Variants in RPA3 observed in about 807,000 individuals in gnomAD.
The protein encoded by RPA3 is replication protein A 14 kDa subunit.
A neutral mutation model predicts 13.7 loss-of-function variants in RPA3; 24 were observed. The observed-to-expected ratio is 1.75, with a 90% CI of 1.27 to 2.46. The LOEUF is 2.46. RPA3 is among the 30% of genes most tolerant of loss of function. The probability of loss-of-function intolerance (pLI) is 0.00; values close to 1 mark genes in which losing one functional copy is unlikely to be tolerated. For synonymous variants in RPA3, 59 were observed against 51.2 expected (o/e 1.15, Z -0.65); for missense variants, 183 against 151.0 (o/e 1.21, Z -1.11).
At chr7:7,716,952 A>G (rs1263869950) in intron 1 of RPA3, among the ~76,000 whole-genome samples, 1 of 152,130 alleles carries the variant, frequency 6.6e-6, no homozygotes, top group African/African-American at 2.4e-5. Context: ...ACCGCCTCCT[A>G]TAAAACCAAC....
chr7:7,641,256 T>C (rs1274523997), intron 4 of RPA3, 81 bp from the exon 5 acceptor site: 2 of 152,204 alleles, frequency 1.3e-5, no homozygotes, highest in African/African-American at 4.8e-5. Flanking sequence ...CGCCGGTTCT[T>C]TCACCCCGCT....
chr7:7,668,257 C>G (rs2115101205), intron 4 of RPA3, among the ~76,000 whole-genome samples: 1 of 152,174 alleles, frequency 6.6e-6, no homozygotes, highest in South Asian at 2.1e-4. Flanking sequence ...ATTGTGTATA[C>G]CTGTGGGGCT....
At chr7:7,659,110 C>A (rs560380404) in intron 4 of RPA3, among the ~76,000 whole-genome samples, 71 of 152,272 alleles carry the variant, frequency 4.7e-4, no homozygotes, top group African/African-American at 1.7e-3. Flanking sequence ...TTATAGTATT[C>A]TCTGATGGTA....
intron 7 of RPA3, among the ~76,000 whole-genome samples, chr7:7,637,540 A>C (rs55884868): frequency 2.6e-5 from 4 of 152,190 alleles, no homozygotes; most frequent in African/African-American, 9.6e-5. Flanking sequence ...GGCAGTACTA[A>C]AACTCTAGAC....
intron 2 of RPA3, among the ~76,000 whole-genome samples, chr7:7,704,603 A>G (rs919072306): frequency 2.8e-5 from 4 of 144,592 alleles, no homozygotes; most frequent in African/African-American, 8.4e-5. Flanking sequence ...AAATAGAAAA[A>G]AAAAAAAAAA....
At chr7:7,647,388 C>T (rs1327828767) in intron 4 of RPA3, among the ~76,000 whole-genome samples, 1 of 152,104 alleles carries the variant, frequency 6.6e-6, no homozygotes, top group Admixed American at 6.5e-5. Flanking sequence ...TTATGTGAGG[C>T]TTGCTTTAAG....
intron 4 of RPA3, among the ~76,000 whole-genome samples, chr7:7,665,217 T>TTGGA (rs755177288): frequency 5.9e-5 from 9 of 152,172 alleles, no homozygotes; most frequent in African/African-American, 9.7e-5. Flanking sequence ...AAGGGAAGCC[T>TTGGA]TGGAGTAATA....
intron 2 of RPA3, among the ~76,000 whole-genome samples, chr7:7,694,257 A>G (rs767477819): frequency 2.6e-5 from 4 of 152,092 alleles, no homozygotes; most frequent in Non-Finnish European, 5.9e-5. Flanking sequence ...ATGAGTATAT[A>G]GTAGGTATAT....
intron 4 of RPA3, among the ~76,000 whole-genome samples, chr7:7,677,135 G>A (rs1211432375): frequency 6.6e-6 from 1 of 151,984 alleles, no homozygotes; most frequent in African/African-American, 2.4e-5. Context: ...CGTAATAGTT[G>A]TATATATTTA....
intron 2 of RPA3, among the ~76,000 whole-genome samples, chr7:7,707,352 T>C (rs1474329432): frequency 6.6e-6 from 1 of 152,162 alleles, no homozygotes; most frequent in East Asian, 1.9e-4. Flanking sequence ...GTAACTACGG[T>C]ACTTTTTGCT....
In RPA3 at chr7:7,662,452, C is replaced by T. The variant is rs182165611; in HGVS notation, c.-757-21277G>A. Among the ~76,000 whole-genome samples the T allele has an allele frequency of 3.2e-3, 487 of 152,288 alleles. 5 individuals are homozygous for T. The highest frequency in any genetic ancestry group is 0.014 in the Middle Eastern group (4 of 294). ...CCCAGGTCCGTGGTGGCATAGGCAC[C>T]GGCGGGAATCTCCTGGTCTGTGGGT... On this transcript the variant is annotated intron_variant, in intron 4 of 7. Coordinates refer to ENST00000223129, the MANE Select transcript of RPA3 (RefSeq NM_002947.5).
intron 4 of RPA3, among the ~76,000 whole-genome samples, chr7:7,676,763 A>G (rs1268346852): frequency 6.6e-6 from 1 of 152,186 alleles, no homozygotes; most frequent in Non-Finnish European, 1.5e-5. Context: ...AAGTTGGTAT[A>G]TATGGTTTAA....
chr7:7,675,017 A>C (rs566479114), intron 4 of RPA3, among the ~76,000 whole-genome samples: 1 of 152,110 alleles, frequency 6.6e-6, no homozygotes, highest in East Asian at 1.9e-4. Flanking sequence ...ATGTATTTAA[A>C]ATTTTTTTTA....
intron 4 of RPA3, among the ~76,000 whole-genome samples, chr7:7,667,906 C>G (rs1026333377): frequency 1.6e-4 from 24 of 152,138 alleles, no homozygotes; most frequent in Non-Finnish European, 1.2e-4. Context: ...TGGACCAATA[C>G]TTAACCTAGT....
At chr7:7,681,098 A>G (rs375283766) in intron 4 of RPA3, among the ~76,000 whole-genome samples, 3 of 152,304 alleles carry the variant, frequency 2.0e-5, no homozygotes, top group African/African-American at 7.2e-5. Context: ...TATAAACATG[A>G]TTATATTTGT....
intron 2 of RPA3, among the ~76,000 whole-genome samples, chr7:7,712,584 A>G (rs1417402772): frequency 6.6e-6 from 1 of 152,138 alleles, no homozygotes; most frequent in Non-Finnish European, 1.5e-5. Flanking sequence ...TCATCTTTAG[A>G]TTCTTTTGAA....
At chr7:7,710,095 G>C (rs1780715755) in intron 2 of RPA3, among the ~76,000 whole-genome samples, 1 of 151,970 alleles carries the variant, frequency 6.6e-6, no homozygotes. Context: ...TCATGTATCT[G>C]GTCTCATCTA....
intron 4 of RPA3, among the ~76,000 whole-genome samples, chr7:7,661,226 T>C (rs113543028): frequency 0.069 from 10,500 of 152,206 alleles, 397 homozygotes; most frequent in Admixed American, 0.11. Flanking sequence ...AACCTTTTTT[T>C]CCAAGGTTCT....
chr7:7,708,721 T>G (rs1780672378), intron 2 of RPA3, among the ~76,000 whole-genome samples: 1 of 152,210 alleles, frequency 6.6e-6, no homozygotes, highest in African/African-American at 2.4e-5. Flanking sequence ...TAAGCTGATT[T>G]GACTGAAACG....
Sources: allele counts gnomAD v4.1 joint callset (sites outside exome capture counted in the v4.1 genomes callset), GRCh38; gene constraint gnomAD v4.1.1; transcripts MANE v1.5; gene names NCBI Gene and HGNC (gene_info 2026-07-23, HGNC 2026-07-21).